The following LRRTM4 variants were observed in gnomAD, a reference collection of about 807,000 sequenced individuals.
LRRTM4 encodes the protein leucine rich repeat transmembrane neuronal 4, also known as leucine-rich repeat transmembrane neuronal protein 4.
Under a neutral mutation model 47.6 loss-of-function variants are expected in LRRTM4, and 25 were observed. The observed-to-expected ratio is 0.53, with a 90% CI of 0.38 to 0.73. LRRTM4 has a LOEUF of 0.73. Among genes scored for constraint, LRRTM4 ranks in the 30% least tolerant of loss-of-function variants. The pLI is 0.00. For synonymous variants in LRRTM4, 311 were observed against 269.5 expected (o/e 1.15, Z -1.51); for missense variants, 638 against 713.4 (o/e 0.89, Z 1.20).
At chr2:77,196,548 C>T (rs372363024) in intron 3 of LRRTM4, among the ~76,000 whole-genome samples, 54 of 152,174 alleles carry the variant, frequency 3.5e-4, no homozygotes, top group Middle Eastern at 3.4e-3. Flanking sequence ...GTTCAAGATC[C>T]TCCTGGCCAA....
At chr2:77,316,669 T>C (rs1194428214) in intron 3 of LRRTM4, among the ~76,000 whole-genome samples, 1 of 152,014 alleles carries the variant, frequency 6.6e-6, no homozygotes, top group East Asian at 1.9e-4. Flanking sequence ...TGCCTCAGTC[T>C]CCTGGGTAGC....
intron 3 of LRRTM4, among the ~76,000 whole-genome samples, chr2:77,405,308 C>T (rs1200182689): frequency 1.3e-5 from 2 of 152,020 alleles, no homozygotes; most frequent in African/African-American, 4.8e-5. Flanking sequence ...TTTTCACCAA[C>T]CAAAACTGAA....
chr2:77,421,460 C>T (rs1674879773), intron 3 of LRRTM4, among the ~76,000 whole-genome samples: 1 of 152,146 alleles, frequency 6.6e-6, no homozygotes, highest in South Asian at 2.1e-4. Flanking sequence ...ATAATCCCAG[C>T]ACTTCGGGAG....
intron 3 of LRRTM4, among the ~76,000 whole-genome samples, chr2:77,350,113 G>C (rs553499113): frequency 6.6e-5 from 10 of 150,988 alleles, no homozygotes; most frequent in African/African-American, 2.2e-4. Context: ...ATGAGGTCAG[G>C]AGATCGAGAC....
intron 3 of LRRTM4, among the ~76,000 whole-genome samples, chr2:77,221,160 T>G (rs547842012): frequency 7.2e-4 from 110 of 152,062 alleles, no homozygotes; most frequent in Admixed American, 8.5e-4. Context: ...AATGCTGAGA[T>G]ATTTTGTCAC....
intron 3 of LRRTM4, among the ~76,000 whole-genome samples, chr2:76,849,645 T>G (rs1175832570): frequency 6.6e-6 from 1 of 152,128 alleles, no homozygotes; most frequent in Non-Finnish European, 1.5e-5. Flanking sequence ...ACTGTCTCTA[T>G]CAAATTCTTC....
At chr2:76,869,649 G>C (rs1386688196) in intron 3 of LRRTM4, among the ~76,000 whole-genome samples, 2 of 152,138 alleles carry the variant, frequency 1.3e-5, no homozygotes, top group African/African-American at 4.8e-5. Context: ...TATTATGTGT[G>C]ATGTAAGTTA....
intron 3 of LRRTM4, among the ~76,000 whole-genome samples, chr2:77,065,546 T>C (rs181695760): frequency 6.6e-6 from 1 of 152,310 alleles, no homozygotes; most frequent in Admixed American, 6.5e-5. Flanking sequence ...TGCTACTAAA[T>C]TACATTTTGT....
intron 3 of LRRTM4, among the ~76,000 whole-genome samples, chr2:76,846,901 G>T (rs1002452313): frequency 1.6e-5 from 2 of 128,916 alleles, no homozygotes; most frequent in Admixed American, 7.7e-5. Context: ...AAGTAAAAAG[G>T]TCATATGATA....
chr2:76,945,693 C>T (rs372665531), intron 3 of LRRTM4, among the ~76,000 whole-genome samples: 10 of 151,550 alleles, frequency 6.6e-5, no homozygotes, highest in South Asian at 4.2e-4. Flanking sequence ...TAGTCTAAGA[C>T]GAAAACAATT....
chr2:77,210,387 C>A (rs1018235860), intron 3 of LRRTM4, among the ~76,000 whole-genome samples: 12 of 152,082 alleles, frequency 7.9e-5, no homozygotes, highest in Non-Finnish European at 1.6e-4. Context: ...AGAATAAAAT[C>A]CTTTAAAATA....
intron 3 of LRRTM4, among the ~76,000 whole-genome samples, chr2:77,478,291 A>T (rs1186972732): frequency 6.6e-6 from 1 of 152,216 alleles, no homozygotes; most frequent in Non-Finnish European, 1.5e-5. Flanking sequence ...TAAGATAAAA[A>T]TGTTATTTTA....
At chr2:76,859,749 A>G (rs1672258225) in intron 3 of LRRTM4, among the ~76,000 whole-genome samples, 1 of 152,130 alleles carries the variant, frequency 6.6e-6, no homozygotes, top group Admixed American at 6.6e-5. Flanking sequence ...CTAGATAGAA[A>G]TCTTTTGTTA....
chr2:77,113,759 G>A (rs1049855485), intron 3 of LRRTM4, among the ~76,000 whole-genome samples: 24 of 152,066 alleles, frequency 1.6e-4, no homozygotes, highest in African/African-American at 4.6e-4. Flanking sequence ...GAACTGAAAC[G>A]ACAGGAGGGC....
chr2:77,505,396 C>T (rs1323275989), intron 3 of LRRTM4, among the ~76,000 whole-genome samples: 1 of 151,254 alleles, frequency 6.6e-6, no homozygotes, highest in African/African-American at 2.4e-5. Flanking sequence ...ACAGTGTTTT[C>T]CTAGTTTAAA....
At chr2:77,243,025 G>A (rs1481794119) in intron 3 of LRRTM4, among the ~76,000 whole-genome samples, 1 of 152,096 alleles carries the variant, frequency 6.6e-6, no homozygotes, top group African/African-American at 2.4e-5. Flanking sequence ...TGCAGGTAGT[G>A]AAATAACATT....
chr2:77,226,715 T>C (rs1254460240), intron 3 of LRRTM4, among the ~76,000 whole-genome samples: 2 of 152,010 alleles, frequency 1.3e-5, no homozygotes, highest in African/African-American at 4.8e-5. Context: ...ATTTTTGTTC[T>C]CAAGTCCAAC....
chr2:77,319,938 G>A (rs547190672), intron 3 of LRRTM4, among the ~76,000 whole-genome samples: 15 of 152,288 alleles, frequency 9.8e-5, no homozygotes, highest in East Asian at 7.7e-4. Context: ...CCCTTCTAGC[G>A]TTGTTCACTT....
chr2:76,908,349 C>A (rs371275417), intron 3 of LRRTM4, among the ~76,000 whole-genome samples: 23 of 152,020 alleles, frequency 1.5e-4, no homozygotes, highest in East Asian at 1.2e-3. Context: ...ATCTCAAAAT[C>A]ATAAGAGCTA....
Sources: allele counts gnomAD v4.1 joint callset (sites outside exome capture counted in the v4.1 genomes callset), GRCh38; gene constraint gnomAD v4.1.1; transcripts MANE v1.5; gene names NCBI Gene and HGNC (gene_info 2026-07-23, HGNC 2026-07-21).